RPRD2: variants seen among roughly 807,000 people sequenced by gnomAD.
RPRD2 encodes the protein regulation of nuclear pre-mRNA domain-containing protein 2.
Under a neutral mutation model 104.4 loss-of-function variants are expected in RPRD2, and 12 were observed. The observed-to-expected ratio is 0.11, with a 90% CI of 0.07 to 0.19. The LOEUF (loss-of-function observed/expected upper bound fraction) is 0.19, where lower values mean the gene tolerates loss of function less well. Among genes scored for constraint, RPRD2 ranks in the 10% least tolerant of loss-of-function variants. The probability of loss-of-function intolerance (pLI) is 1.00; values close to 1 mark genes in which losing one functional copy is unlikely to be tolerated. For synonymous variants in RPRD2, 714 were observed against 684.9 expected (o/e 1.04, Z -0.66); for missense variants, 1,543 against 1,790.1 (o/e 0.86, Z 2.49).
chr1:150,370,291 G>A (rs1042718359), intron 1 of RPRD2, among the ~76,000 whole-genome samples: 7 of 152,034 alleles, frequency 4.6e-5, no homozygotes, highest in African/African-American at 7.2e-5. Context: ...TGTTAACTCC[G>A]GTCACTTAAT....
At chr1:150,401,101 G>A (rs1430822593) in intron 1 of RPRD2, among the ~76,000 whole-genome samples, 3 of 151,988 alleles carry the variant, frequency 2.0e-5, no homozygotes, top group Non-Finnish European at 4.4e-5. Context: ...GTGTGAACCC[G>A]GGAAGGTGGA....
intron 2 of RPRD2, among the ~76,000 whole-genome samples, chr1:150,430,373 G>T (rs958135052): frequency 6.6e-6 from 1 of 152,076 alleles, no homozygotes; most frequent in African/African-American, 2.4e-5. Context: ...AAGGAGTGGG[G>T]AAAATGAAAA....
rs1213584603 is a variant in RPRD2, at chr1:150,474,415, AAGG to A, written c.*1087_*1089del. 1 of 152,082 alleles carries A rather than the reference AAGG, an allele frequency of 6.6e-6. No homozygotes were observed. The highest frequency in any genetic ancestry group is 1.5e-5 in the Non-Finnish European group (1 of 68,026). 9.4% of individuals were successfully genotyped at this position (152,082 alleles called of 1,614,324 possible). ...ATTCACCCCTATTCTTGATATTTTA[AAGG>A]AGGAGATTCAGTAGCATTTTCCTTT... On this transcript the variant is annotated 3_prime_UTR_variant, in exon 11 of 11. Transcript: ENST00000369068.
chr1:150,452,661 C>CTTTTT lies in RPRD2; in HGVS notation c.871-4606_871-4602dup, dbSNP rs782322743. 3.3e-3 allele frequency among the ~76,000 whole-genome samples: 236 copies of CTTTTT among 71,228 alleles called. 10 individuals carry two copies. Among genetic ancestry groups the CTTTTT allele is most frequent in the Non-Finnish European group, 2.4e-3 (95 of 39,410 alleles). 46.7% of individuals were successfully genotyped at this position (71,228 alleles called of 152,430 possible). On this transcript the variant is annotated intron_variant, in intron 7 of 10. Coordinates refer to ENST00000369068, the MANE Select transcript of RPRD2 (RefSeq NM_015203.5). Reference sequence around the variant, plus strand: ...TTTCTGTGTTCTTTTGACATATCCCCTTTTTTTTTTTTTTTTTTTTTTTTT... The same window carrying CTTTTT: ...TTTCTGTGTTCTTTTGACATATCCCCTTTTTTTTTTTTTTTTTTTTTTTTTTTTTT...
intron 2 of RPRD2, among the ~76,000 whole-genome samples, chr1:150,438,215 G>T (rs1228408265): frequency 6.6e-6 from 1 of 152,130 alleles, no homozygotes; most frequent in Non-Finnish European, 1.5e-5. Flanking sequence ...GCTTGAACTT[G>T]GGAGGCGGAG....
In RPRD2 at chr1:150,471,542, A is replaced by T. The variant is rs765954173; in HGVS notation, c.2594A>T (p.Asp865Val). ...KSILKSSKLSDTTEYQPILSS... is the reference protein window; with the variant it reads ...KSILKSSKLSVTTEYQPILSS... ...ATCCTGAAATCAAGCAAGCTGTCTGATACCACCGAGTACCAGCCAATTCTG... is the reference window on the plus strand; with the variant it reads ...ATCCTGAAATCAAGCAAGCTGTCTGTTACCACCGAGTACCAGCCAATTCTG... The change falls in exon 11 of 11, where the codon GAT (aspartate) becomes GTT (valine). Residue 865 changes from aspartate (D) to valine (V), a missense_variant. Transcript: ENST00000369068. The surrounding 1 kb of genome is among the most constrained non-coding windows in gnomAD (Gnocchi z 5.3). The T allele has an allele frequency of 5.6e-6, 9 of 1,613,838 alleles. No homozygotes were observed. Among genetic ancestry groups the T allele is most frequent in the Non-Finnish European group, 7.6e-6 (9 of 1,179,856 alleles).
chr1:150,473,124 C>T lies in RPRD2; in HGVS notation c.4176C>T (p.Asn1392=), dbSNP rs369019411. The T allele has an allele frequency of 3.3e-5, 53 of 1,613,850 alleles. No homozygotes were observed. The highest frequency in any genetic ancestry group is 4.4e-5 in the Non-Finnish European group (52 of 1,179,872). Residue 1392 remains asparagine (N), a synonymous_variant, in exon 11 of 11, where the codon AAC becomes AAT. Transcript: ENST00000369068. ...GAGGAGGAGGTGGGGGAGGCAGCAA[C>T]AGCAGCAGTGGCCCCCCCTTGGGTC... is the stretch of plus-strand genomic sequence containing the variant. ...PHGGGGGGGS[N]SSSGPPLGPS... is the part of the protein sequence containing the mutation.
chr1:150,460,229 A>C lies in RPRD2; in HGVS notation c.1323A>C (p.Pro441=), dbSNP rs371716663. 49 of 1,613,740 alleles carry C rather than the reference A, an allele frequency of 3.0e-5. No individual in the cohort carries two copies. The highest frequency in any genetic ancestry group is 2.4e-4 in the East Asian group (11 of 44,898). The change falls in exon 9 of 11, where the codon CCA becomes CCC. Residue 441 remains proline, a synonymous_variant. Coordinates refer to ENST00000369068, the MANE Select transcript of RPRD2 (RefSeq NM_015203.5). ...KPVNTSLSPS[P]ALALPNLANV... ...TGAATACTTCTCTTTCCCCTTCCCCAGCATTGGCTTTGCCAAACCTGGCTA... is the reference window on the plus strand; with the variant it reads ...TGAATACTTCTCTTTCCCCTTCCCCCGCATTGGCTTTGCCAAACCTGGCTA...
intron 2 of RPRD2, among the ~76,000 whole-genome samples, chr1:150,435,750 G>A (rs1229122768): frequency 6.6e-6 from 1 of 152,238 alleles, no homozygotes; most frequent in African/African-American, 2.4e-5. Flanking sequence ...TGATGTAGAA[G>A]CAGCAGCAAG....
chr1:150,470,935 T>G lies in RPRD2; in HGVS notation c.1987T>G (p.Ser663Ala). 6.2e-7 allele frequency: 1 copy of G among 1,613,942 alleles called. No individual in the cohort carries two copies. The highest frequency in any genetic ancestry group is 1.1e-5 in the South Asian group (1 of 91,082). The change falls in exon 11 of 11, where the codon TCC becomes GCC. Residue 663 changes from serine (S) to alanine (A), a missense_variant. Ser to Ala is a moderately conservative substitution (Grantham distance 99). This residue lies in a region of RPRD2 where 572 missense variants were observed against 787.3 expected (regional missense o/e 0.73). Coordinates refer to ENST00000369068, the MANE Select transcript of RPRD2 (RefSeq NM_015203.5). Reference protein sequence around the residue: ...EVSKPKLESESTSPSLEMKIH... With the variant: ...EVSKPKLESEATSPSLEMKIH... ...CTCCAAGCCAAAGCTGGAGTCAGAG[T>G]CCACCTCCCCAAGCCTGGAAATGAA...
In RPRD2 at chr1:150,401,033, G is replaced by A. The variant is rs139636144; in HGVS notation, c.206-16563G>A. Among the ~76,000 whole-genome samples the A allele has an allele frequency of 2.5e-3, 380 of 152,078 alleles. 5 individuals are homozygous for A. The highest frequency in any genetic ancestry group is 0.015 in the East Asian group (75 of 5,154). ...CTACTAAAACTACAGAAAATTAGCC[G>A]GGTGTGGTGGCGGGCACCTGTAGTC... On this transcript the variant is annotated intron_variant, in intron 1 of 10. Transcript: ENST00000369068.
chr1:150,390,458 C>G (rs148433222), intron 1 of RPRD2, among the ~76,000 whole-genome samples: 1 of 151,972 alleles, frequency 6.6e-6, no homozygotes, highest in Admixed American at 6.6e-5. Context: ...GAGATCACGC[C>G]GTTACACTCC....
At chr1:150,466,453 G>GCT (rs1458241930) in intron 10 of RPRD2, among the ~76,000 whole-genome samples, 1 of 150,842 alleles carries the variant, frequency 6.6e-6, no homozygotes. Context: ...GGGGGCTAAG[G>GCT]CAGGAGGATC....
intron 4 of RPRD2, among the ~76,000 whole-genome samples, chr1:150,442,408 C>T (rs1666467194): frequency 6.6e-6 from 1 of 152,082 alleles, no homozygotes; most frequent in Non-Finnish European, 1.5e-5. Flanking sequence ...AGACATGGAC[C>T]TCAGATCCTG....
intron 7 of RPRD2, among the ~76,000 whole-genome samples, chr1:150,448,680 T>C (rs879985828): frequency 6.6e-6 from 1 of 152,224 alleles, no homozygotes; most frequent in Non-Finnish European, 1.5e-5. Flanking sequence ...TTTTCTCTTT[T>C]ATTGTTTGCC....
At chr1:150,398,231 C>G (rs1662688715) in intron 1 of RPRD2, among the ~76,000 whole-genome samples, 1 of 142,372 alleles carries the variant, frequency 7.0e-6, no homozygotes, top group African/African-American at 2.7e-5. Context: ...GAGTCTCGCT[C>G]TATTGCCCAG....
chr1:150,433,329 A>C (rs1171544013), intron 2 of RPRD2, among the ~76,000 whole-genome samples: 5 of 151,046 alleles, frequency 3.3e-5, no homozygotes, highest in Non-Finnish European at 5.9e-5. Context: ...ATAAAGACAG[A>C]AACAAAAACA....
intron 7 of RPRD2, among the ~76,000 whole-genome samples, chr1:150,447,414 A>G (rs1318937262): frequency 6.8e-6 from 1 of 148,040 alleles, no homozygotes; most frequent in Non-Finnish European, 1.5e-5. Flanking sequence ...GGCTCACTTC[A>G]ACCTCCGCCT....
intron 1 of RPRD2, among the ~76,000 whole-genome samples, chr1:150,376,877 G>A (rs1379063532): frequency 1.3e-5 from 2 of 150,780 alleles, no homozygotes; most frequent in African/African-American, 4.9e-5. Context: ...CTTATAATAT[G>A]TTATGCCTAA....
Sources: allele counts gnomAD v4.1 joint callset (sites outside exome capture counted in the v4.1 genomes callset), GRCh38; gene constraint gnomAD v4.1.1; regional missense constraint gnomAD v4.1.1; non-coding constraint Gnocchi (gnomAD v3.1); transcripts MANE v1.5; gene names NCBI Gene and HGNC (gene_info 2026-07-23, HGNC 2026-07-21).